Variants in TAS1R1 observed in about 807,000 individuals in gnomAD.
TAS1R1 encodes the protein taste 1 receptor member 1.
TAS1R1 carries 31 observed loss-of-function variants against 45.8 expected under a neutral mutation model. The ratio of observed to expected loss-of-function variants is 0.68; its 90% CI spans 0.51 to 0.91. The LOEUF (loss-of-function observed/expected upper bound fraction) is 0.91, where lower values mean the gene tolerates loss of function less well. TAS1R1 is among the 40% of genes least tolerant of loss of function. The pLI, the probability that TAS1R1 is intolerant of heterozygous loss-of-function variation, is 0.00. For synonymous variants in TAS1R1, 437 were observed against 448.4 expected (o/e 0.97, Z 0.32); for missense variants, 1,051 against 1,063.9 (o/e 0.99, Z 0.17).
chr1:6,569,021 T>G (rs1639940697), intron 1 of TAS1R1, among the ~76,000 whole-genome samples: 1 of 151,004 alleles, frequency 6.6e-6, no homozygotes, highest in Non-Finnish European at 1.5e-5. Context: ...GGAGCGGAAG[T>G]GAGGAGGCTG....
intron 1 of TAS1R1, among the ~76,000 whole-genome samples, chr1:6,560,440 C>G (rs1639762753): frequency 6.6e-6 from 1 of 152,198 alleles, no homozygotes; most frequent in African/African-American, 2.4e-5. Context: ...AGGGAGGGAG[C>G]AGGGGCGCCT....
At chr1:6,570,444 CAA>C (rs35825229) in intron 1 of TAS1R1, among the ~76,000 whole-genome samples, 21 of 98,516 alleles carry the variant, frequency 2.1e-4, no homozygotes, top group South Asian at 1.5e-3. Flanking sequence ...TAACACATCT[CAA>C]AAAAAAAAAA....
intron 1 of TAS1R1, among the ~76,000 whole-genome samples, chr1:6,561,558 A>C (rs1464749735): frequency 6.6e-6 from 1 of 151,950 alleles, no homozygotes; most frequent in Non-Finnish European, 1.5e-5. Flanking sequence ...AAAAATACAA[A>C]AAAATTAGCT....
Position 6,579,002 on chromosome 1 carries a change from C to G in TAS1R1, c.1944C>G (p.Cys648Trp). The part of the protein sequence containing the change: ...FALGFTIFLS[C>W]LTVRSFQLII... Reference sequence around the variant, plus strand: ...TTGGTTTCACCATCTTCCTGTCCTGCCTGACAGTTCGCTCATTCCAACTAA... The same window carrying G: ...TTGGTTTCACCATCTTCCTGTCCTGGCTGACAGTTCGCTCATTCCAACTAA... The change falls in exon 6 of 6, where the codon TGC becomes TGG. Residue 648 changes from cysteine to tryptophan, a missense_variant. Coordinates refer to ENST00000333172, the MANE Select transcript of TAS1R1 (RefSeq NM_138697.4). The G allele has an allele frequency of 6.2e-7, 1 of 1,613,976 alleles. No homozygotes were observed. Among genetic ancestry groups the G allele is most frequent in the Non-Finnish European group, 8.5e-7 (1 of 1,179,888 alleles).
chr1:6,558,045 TTTGTTTTTG>T (rs1639716689), intron 1 of TAS1R1, among the ~76,000 whole-genome samples: 1 of 139,324 alleles, frequency 7.2e-6, no homozygotes, highest in Non-Finnish European at 1.6e-5. Flanking sequence ...AGTTTTTGTT[TTTGTTTTTG>T]TTTTTTTTCT....
At chr1:6,576,355 T>C in intron 3 of TAS1R1, 60 bp from the exon 4 acceptor site, 1 of 1,561,488 alleles carries the variant, frequency 6.4e-7, no homozygotes, top group Non-Finnish European at 8.8e-7. Context: ...AGGCCCTTGC[T>C]TCTGGGACCA....
chr1:6,562,281 G>A (rs1639803342), intron 1 of TAS1R1, among the ~76,000 whole-genome samples: 1 of 152,136 alleles, frequency 6.6e-6, no homozygotes, highest in Admixed American at 6.5e-5. Context: ...TCATTCTCCT[G>A]CCTCAGCCTC....
Position 6,579,239 on chromosome 1 carries a change from C to T in TAS1R1, c.2181C>T (p.Gly727=), listed in dbSNP as rs1452274863. 4 of 1,614,046 alleles carry T rather than the reference C, an allele frequency of 2.5e-6. No individual in the cohort carries two copies. Among genetic ancestry groups the T allele is most frequent in the East Asian group, 2.2e-5 (1 of 44,858 alleles). The part of the protein sequence containing the change: ...MLECTETNSL[G]FILAFLYNGL... ...AGTGCACAGAGACCAACTCCCTGGG[C>T]TTCATACTGGCCTTCCTCTACAATG... is the stretch of plus-strand genomic sequence containing the variant. Residue 727 remains glycine (G), a synonymous_variant, in exon 6 of 6, where the codon GGC becomes GGT. Coordinates refer to ENST00000333172, the MANE Select transcript of TAS1R1 (RefSeq NM_138697.4).
chr1:6,579,392 C>G lies in TAS1R1; in HGVS notation c.2334C>G (p.Thr778=). ...TCGTGTCCTGGATCGCCTTCTTCAC[C>G]ACGGCCAGCGTCTACGACGGCAAGT... ...FNFVSWIAFF[T]TASVYDGKYL... Residue 778 remains threonine (T), a synonymous_variant, in exon 6 of 6, where the codon ACC becomes ACG. Coordinates refer to ENST00000333172, the MANE Select transcript of TAS1R1 (RefSeq NM_138697.4). 1 of 1,613,914 alleles carries G rather than the reference C, an allele frequency of 6.2e-7. No individual in the cohort carries two copies. Among genetic ancestry groups the G allele is most frequent in the East Asian group, 2.2e-5 (1 of 44,888 alleles).
Position 6,578,949 on chromosome 1 carries a change from T to C in TAS1R1, c.1891T>C (p.Cys631Arg). 2 of 1,614,130 alleles carry C rather than the reference T, an allele frequency of 1.2e-6. No homozygotes were observed. The highest frequency in any genetic ancestry group is 1.7e-6 in the Non-Finnish European group (2 of 1,179,964). Residue 631 changes from cysteine to arginine, a missense_variant, in exon 6 of 6, where the codon TGC (cysteine) becomes CGC (arginine). By Grantham distance (180) the Cys-to-Arg change is radical. Transcript: ENST00000333172. The part of the protein sequence containing the change: ...GFFGEPTRPA[C>R]LLRQALFALG... ...CTTTGGGGAACCCACAAGGCCTGCG[T>C]GCTTGCTACGCCAGGCCCTCTTTGC...
chr1:6,559,842 G>A (rs1360466829), intron 1 of TAS1R1, among the ~76,000 whole-genome samples: 1 of 151,318 alleles, frequency 6.6e-6, no homozygotes, highest in Non-Finnish European at 1.5e-5. Flanking sequence ...GTACGAAAAT[G>A]AGCTGGACGT....
rs770686142 is a variant in TAS1R1 at position 6,578,817 on chromosome 1, C to T, written c.1759C>T (p.Leu587=). 2 of 1,613,664 alleles carry T rather than the reference C, an allele frequency of 1.2e-6. No homozygotes were observed. Among genetic ancestry groups the T allele is most frequent in the Non-Finnish European group, 1.7e-6 (2 of 1,179,736 alleles). Residue 587 remains leucine, a synonymous_variant, in exon 6 of 6, where the codon CTG becomes TTG. Transcript: ENST00000333172. ...GCTGCTGCTGCTTGGGACTGCTGGC[C>T]TGTTTGCCTGGCACCTAGACACCCC... ...LLLLLLGTAG[L]FAWHLDTPVV...
intron 1 of TAS1R1, among the ~76,000 whole-genome samples, chr1:6,556,733 G>A (rs1484612551): frequency 1.3e-5 from 2 of 151,570 alleles, no homozygotes; most frequent in Admixed American, 6.6e-5. Context: ...AGTTGCAGCC[G>A]AGCACAGTGG....
chr1:6,561,709 C>T (rs1639791509), intron 1 of TAS1R1, among the ~76,000 whole-genome samples: 4 of 92,720 alleles, frequency 4.3e-5, no homozygotes, highest in Admixed American at 1.4e-4. Flanking sequence ...AACGAGTTTC[C>T]GTCTCAAAAA....
At position 6,570,963 on chromosome 1, in the gene TAS1R1, G is replaced by A. The variant is rs1639995284; in HGVS notation, c.246G>A (p.Gly82=). ...ACCTCTTCCAGGCTATGCGGCTTGG[G>A]GTTGAGGAGATAAACAACTCCACGG... ...GYHLFQAMRL[G]VEEINNSTAL... The change falls in exon 2 of 6, where the codon GGG becomes GGA. Residue 82 remains glycine (G), a synonymous_variant. Coordinates refer to ENST00000333172, the MANE Select transcript of TAS1R1 (RefSeq NM_138697.4). 6.2e-7 allele frequency: 1 copy of A among 1,613,712 alleles called. No homozygotes were observed. The highest frequency in any genetic ancestry group is 1.3e-5 in the African/African-American group (1 of 75,032).
intron 1 of TAS1R1, among the ~76,000 whole-genome samples, chr1:6,556,143 T>A (rs1175148636): frequency 3.3e-5 from 5 of 151,978 alleles, no homozygotes; most frequent in Non-Finnish European, 2.9e-5. Flanking sequence ...AGTGCTGGGA[T>A]TACAGGCGTG....
rs1046882643 is a variant in TAS1R1, at chr1:6,578,740, C to T, written c.1682C>T (p.Ala561Val). The T allele has an allele frequency of 1.3e-5, 21 of 1,613,706 alleles. No individual in the cohort carries two copies. The highest frequency in any genetic ancestry group is 1.8e-5 in the Non-Finnish European group (21 of 1,179,866). The change falls in exon 6 of 6, where the codon GCT becomes GTT. Residue 561 changes from alanine to valine, a missense_variant. Physicochemically the swap from Ala to Val is moderately conservative, Grantham distance 64 (BLOSUM62 0). Coordinates refer to ENST00000333172, the MANE Select transcript of TAS1R1 (RefSeq NM_138697.4). ...TTCCCGCGCACTGTGGTGTTTTTGG[C>T]TTTGCGTGAGCACACCTCTTGGGTG... is the stretch of plus-strand genomic sequence containing the variant. The part of the protein sequence containing the change: ...TCFPRTVVFL[A>V]LREHTSWVLL...
chr1:6,571,348 A>G, intron 2 of TAS1R1, 133 bp downstream of exon 2: 1 of 957,040 alleles, frequency 1.0e-6, no homozygotes. Context: ...CTCTTTAGTC[A>G]CAAGTCAGGG....
At chr1:6,573,201 G>C (rs1477295017) in intron 2 of TAS1R1, among the ~76,000 whole-genome samples, 2 of 152,244 alleles carry the variant, frequency 1.3e-5, no homozygotes, top group African/African-American at 4.8e-5. Context: ...GCTCACGCCT[G>C]TAATCCCAGC....
Sources: allele counts gnomAD v4.1 joint callset (sites outside exome capture counted in the v4.1 genomes callset), GRCh38; gene constraint gnomAD v4.1.1; transcripts MANE v1.5; gene names NCBI Gene and HGNC (gene_info 2026-07-23, HGNC 2026-07-21).